Variants in FAM107A observed in about 807,000 individuals in gnomAD.
FAM107A encodes the protein actin-associated protein FAM107A.
In FAM107A, 19 loss-of-function variants were observed where a neutral mutation model predicts 13.7. That is an observed-to-expected ratio of 1.38 (90% CI 0.97 to 2.03). The LOEUF is 2.03. Among genes scored for constraint, FAM107A ranks in the 30% most tolerant of loss-of-function variants. FAM107A has a pLI of 0.00. For synonymous variants in FAM107A, 82 were observed against 74.5 expected (o/e 1.10, Z -0.52); for missense variants, 203 against 184.4 (o/e 1.10, Z -0.58).
At position 58,566,592 on chromosome 3, in the gene FAM107A, A is replaced by G; in HGVS notation, c.431T>C (p.Leu144Pro). The change falls in exon 4 of 4, where the codon CTG becomes CCG. Residue 144 changes from leucine (L) to proline (P), a missense_variant. Coordinates refer to ENST00000360997, the MANE Select transcript of FAM107A (RefSeq NM_001076778.3). Reference sequence around the variant, plus strand: ...GCCTGAGCCCGGCAGCTGGCCCTACAGCTCTCTCTCTTCGCTGGTCAGTGT... The same window carrying G: ...GCCTGAGCCCGGCAGCTGGCCCTACGGCTCTCTCTCTTCGCTGGTCAGTGT... ...IATLTSEERE[L>P] 1.2e-6 allele frequency: 2 copies of G among 1,612,456 alleles called. No homozygotes were observed. The highest frequency in any genetic ancestry group is 1.7e-6 in the Non-Finnish European group (2 of 1,178,926).
intron 1 of FAM107A, among the ~76,000 whole-genome samples, chr3:58,612,398 C>T (rs756416241): frequency 5.9e-5 from 9 of 151,954 alleles, no homozygotes; most frequent in South Asian, 2.1e-4. Flanking sequence ...TAGGCAACAT[C>T]GTGATAACTC....
At chr3:58,571,496 C>T (rs2063683486) in intron 1 of FAM107A, among the ~76,000 whole-genome samples, 2 of 151,912 alleles carry the variant, frequency 1.3e-5, no homozygotes, top group South Asian at 4.2e-4. Flanking sequence ...AGGTTATATC[C>T]TTCCTAATTT....
At chr3:58,597,491 T>C (rs1013625294) in intron 1 of FAM107A, among the ~76,000 whole-genome samples, 2 of 152,242 alleles carry the variant, frequency 1.3e-5, no homozygotes, top group Non-Finnish European at 2.9e-5. Flanking sequence ...GTTGGAGGTA[T>C]GTCTCTAGAC....
rs1276858913 is a variant in FAM107A at position 58,564,958 on chromosome 3, A to G, written c.*1630T>C. ...GTCACCCTCAAACCACCCAGTTATGAGTAAGACCAGAACAATCCCTTTCCT... is the reference window on the plus strand; with the variant it reads ...GTCACCCTCAAACCACCCAGTTATGGGTAAGACCAGAACAATCCCTTTCCT... On this transcript the variant is annotated 3_prime_UTR_variant, in exon 4 of 4. Transcript: ENST00000360997. This position sits in a 1 kb window ranked among gnomAD's most constrained non-coding sequence, Gnocchi z 5.6. 1.3e-5 allele frequency: 2 copies of G among 152,268 alleles called. No homozygotes were observed. Among genetic ancestry groups the G allele is most frequent in the African/African-American group, 4.8e-5 (2 of 41,460 alleles). 9.4% of individuals were successfully genotyped at this position (152,268 alleles called of 1,614,324 possible). A position where few individuals can be genotyped will look rare whatever the true frequency, so the allele number is the denominator to read the frequency against.
intron 1 of FAM107A, among the ~76,000 whole-genome samples, chr3:58,608,583 A>T (rs983588826): frequency 6.6e-6 from 1 of 152,348 alleles, no homozygotes; most frequent in Admixed American, 6.5e-5. Flanking sequence ...CTGGGGCCAA[A>T]GTCCCACAGC....
chr3:58,596,209 A>G (rs1408778546), intron 1 of FAM107A, among the ~76,000 whole-genome samples: 1 of 152,026 alleles, frequency 6.6e-6, no homozygotes, highest in East Asian at 1.9e-4. Flanking sequence ...CAATGATCCT[A>G]TCCCCAAATC....
chr3:58,577,700 A>C (rs1411555583), upstream of FAM107A: 1 of 985,114 alleles, frequency 1.0e-6, no homozygotes, highest in African/African-American at 1.7e-5. The surrounding 1 kb of genome is among the most constrained non-coding windows in gnomAD (Gnocchi z 4.9). Flanking sequence ...TTCTTATGGG[A>C]GGGTCAGGCA....
In FAM107A at chr3:58,566,307, C is replaced by T. The variant is rs2063620318; in HGVS notation, c.*281G>A. 2.7e-6 allele frequency: 1 copy of T among 369,748 alleles called. No homozygotes were observed. The highest frequency in any genetic ancestry group is 2.1e-5 in the African/African-American group (1 of 48,134). 22.9% of individuals were successfully genotyped at this position (369,748 alleles called of 1,614,324 possible). Reference sequence around the variant, plus strand: ...GCCACCTCTTCCTCCTCAATTCTGCCAGAGAAAGCTCCTGTGCTGGGCTCT... The same window carrying T: ...GCCACCTCTTCCTCCTCAATTCTGCTAGAGAAAGCTCCTGTGCTGGGCTCT... On this transcript the variant is annotated 3_prime_UTR_variant, in exon 4 of 4. Coordinates refer to ENST00000360997, the MANE Select transcript of FAM107A (RefSeq NM_001076778.3).
At chr3:58,599,740 C>T (rs1188877464) in intron 1 of FAM107A, among the ~76,000 whole-genome samples, 2 of 48,898 alleles carry the variant, frequency 4.1e-5, no homozygotes, top group Admixed American at 2.3e-4. Context: ...TTTTTTGAGA[C>T]GGGATCCCGC....
At chr3:58,572,262 G>A (rs996436735) in intron 1 of FAM107A, among the ~76,000 whole-genome samples, 8 of 152,244 alleles carry the variant, frequency 5.3e-5, no homozygotes, top group East Asian at 1.9e-4. Context: ...GTGAGATCCC[G>A]GCGCTCACAG....
intron 1 of FAM107A, among the ~76,000 whole-genome samples, chr3:58,606,041 A>G (rs184354908): frequency 1.0e-3 from 157 of 152,168 alleles, no homozygotes; most frequent in Non-Finnish European, 1.9e-3. Flanking sequence ...TCTGCCACTG[A>G]CCCTCTGGTC....
At chr3:58,582,576 G>A (rs1325996519), upstream of FAM107A, among the ~76,000 whole-genome samples, 2 of 152,318 alleles carry the variant, frequency 1.3e-5, no homozygotes, top group African/African-American at 4.8e-5. Flanking sequence ...CTGTGATTGA[G>A]AGCATGGACT....
In FAM107A at chr3:58,617,136, T is replaced by C. The variant is rs946611623; in HGVS notation, c.-70+10280A>G. ...AGGAAACTCCTGTGTCACTTCACAG[T>C]GCCTGCTTGTGATGGCAGAGTCAGC... On this transcript the variant is annotated intron_variant, in intron 1 of 3. Transcript: ENST00000465970. The surrounding 1 kb of genome is among the most constrained non-coding windows in gnomAD (Gnocchi z 4.5). Among the ~76,000 whole-genome samples, 2 of 152,180 alleles carry C rather than the reference T, an allele frequency of 1.3e-5. No homozygotes were observed. The highest frequency in any genetic ancestry group is 4.8e-5 in the African/African-American group (2 of 41,434).
upstream of FAM107A, among the ~76,000 whole-genome samples, chr3:58,591,945 T>C (rs2065657533): frequency 6.6e-6 from 1 of 152,082 alleles, no homozygotes; most frequent in African/African-American, 2.4e-5. This position sits in a 1 kb window ranked among gnomAD's most constrained non-coding sequence, Gnocchi z 4.3. Context: ...TATGGGAAAG[T>C]GGGTAATTCC....
chr3:58,625,030 A>T (rs1243676344), intron 1 of FAM107A, among the ~76,000 whole-genome samples: 1 of 148,976 alleles, frequency 6.7e-6, no homozygotes, highest in African/African-American at 2.5e-5. Context: ...AGAGCTATGG[A>T]CCAGGAAGGG....
At chr3:58,579,456 C>A (rs1046560829), upstream of FAM107A, among the ~76,000 whole-genome samples, 5 of 152,102 alleles carry the variant, frequency 3.3e-5, no homozygotes, top group African/African-American at 1.2e-4. Context: ...TTTCTTGAGG[C>A]ACTATGAATG....
At chr3:58,584,872 C>T (rs2065586714) in intron 1 of FAM107A, among the ~76,000 whole-genome samples, 1 of 152,250 alleles carries the variant, frequency 6.6e-6, no homozygotes, top group Non-Finnish European at 1.5e-5. Flanking sequence ...CTTGAGGCCC[C>T]ATGCTCGGCC....
At chr3:58,567,390 A>G (rs781725303) in intron 2 of FAM107A, 26 bp from the exon 3 acceptor site, 19 of 1,596,988 alleles carry the variant, frequency 1.2e-5, no homozygotes, top group Non-Finnish European at 1.6e-5. Context: ...GGGAGCTGTC[A>G]GGAGACCATC....
chr3:58,600,543 G>A (rs765910591), intron 1 of FAM107A, among the ~76,000 whole-genome samples: 1 of 152,186 alleles, frequency 6.6e-6, no homozygotes, highest in Non-Finnish European at 1.5e-5. Flanking sequence ...GATGGAGCAG[G>A]TTTGAGCCCA....
Sources: gnomAD v4.1 joint callset for allele counts (sites outside exome capture counted in the v4.1 genomes callset) on GRCh38, gnomAD v4.1.1 for gene constraint, Gnocchi (gnomAD v3.1) non-coding constraint, MANE v1.5 for transcripts, NCBI Gene and HGNC (gene_info 2026-07-23, HGNC 2026-07-21) for gene names.